The following DRD4 variants were observed in gnomAD, a reference collection of about 807,000 sequenced individuals.
The protein encoded by DRD4 is D(4) dopamine receptor.
Under a neutral mutation model 22.1 loss-of-function variants are expected in DRD4, and 26 were observed. The ratio of observed to expected loss-of-function variants is 1.17; its 90% CI spans 0.86 to 1.63. The LOEUF (loss-of-function observed/expected upper bound fraction) is 1.63, where lower values mean the gene tolerates loss of function less well. Among genes scored for constraint, DRD4 ranks in the 40% most tolerant of loss-of-function variants. DRD4 has a pLI of 0.00. For missense variants in DRD4, 913 were observed against 632.4 expected (o/e 1.44, Z -4.76); for synonymous variants, 455 against 306.7 (o/e 1.48, Z -5.05).
intron 3 of DRD4, 39 bp downstream of exon 3, chr11:640,345 G>GA: frequency 5.1e-6 from 8 of 1,554,250 alleles, no homozygotes; most frequent in Non-Finnish European, 6.9e-6. Context: ...GAGAGGAGGG[G>GA]GGGGGTACGA....
intron 1 of DRD4, 136 bp downstream of exon 1, chr11:637,725 C>T (rs1202759422): frequency 2.7e-6 from 4 of 1,471,372 alleles, no homozygotes; most frequent in Non-Finnish European, 3.7e-6. Context: ...GGGCGCTGCG[C>T]CTTGTCCCTC....
In DRD4 at chr11:640,650, G is replaced by A. The variant is rs774143489; in HGVS notation, c.*47G>A. 16 of 1,592,724 alleles carry A rather than the reference G, an allele frequency of 1.0e-5. No homozygotes were observed. The highest frequency in any genetic ancestry group is 5.0e-5 in the Admixed American group (3 of 59,854). Reference sequence around the variant, plus strand: ...CCCGGCCTGATGGCCAGGCCTCAGGGACCAAGGAGATGGGGAGGGCGCTTT... The same window carrying A: ...CCCGGCCTGATGGCCAGGCCTCAGGAACCAAGGAGATGGGGAGGGCGCTTT... On this transcript the variant is annotated 3_prime_UTR_variant, in exon 4 of 4. Coordinates refer to ENST00000176183, the MANE Select transcript of DRD4 (RefSeq NM_000797.4).
intron 1 of DRD4, 59 bp from the exon 2 acceptor site, chr11:639,374 C>G (rs28540443): frequency 0.8 from 1,046,849 of 1,314,658 alleles, 389,751 homozygotes; most frequent in South Asian, 0.87. Flanking sequence ...AGAGTGGGGG[C>G]GGGTCACAAG....
chr11:639,253 TCAAAA>T (rs910411485), intron 1 of DRD4, 175 bp from the exon 2 acceptor site: 46 of 629,166 alleles, frequency 7.3e-5, no homozygotes, highest in East Asian at 4.7e-4. Flanking sequence ...AGACCCTAAC[TCAAAA>T]CAAAGGGAGA....
Position 639,834 on chromosome 11 carries a change from C to T in DRD4, c.585C>T (p.Tyr195=), listed in dbSNP as rs1460989713. The T allele has an allele frequency of 6.3e-6, 10 of 1,586,088 alleles. No homozygotes were observed. Among genetic ancestry groups the T allele is most frequent in the Non-Finnish European group, 7.7e-6 (9 of 1,173,940 alleles). Reference sequence around the variant, plus strand: ...TGGAGGACCGCGACTACGTGGTCTACTCGTCCGTGTGCTCCTTCTTCCTAC... The same window carrying T: ...TGGAGGACCGCGACTACGTGGTCTATTCGTCCGTGTGCTCCTTCTTCCTAC... The part of the protein sequence containing the change: ...CRLEDRDYVV[Y]SSVCSFFLPC... The change falls in exon 3 of 4, where the codon TAC becomes TAT. Residue 195 remains tyrosine, a synonymous_variant. Coordinates refer to ENST00000176183, the MANE Select transcript of DRD4 (RefSeq NM_000797.4).
intron 1 of DRD4, 144 bp downstream of exon 1, chr11:637,733 C>A: frequency 7.0e-7 from 1 of 1,422,968 alleles, no homozygotes; most frequent in Non-Finnish European, 9.5e-7. Flanking sequence ...CGCCTTGTCC[C>A]TCGGCGATAC....
rs773745329 is a variant in DRD4 at position 639,472 on chromosome 11, G to A, written c.325G>A (p.Asp109Asn). The change falls in exon 2 of 4, where the codon GAC becomes AAC. Residue 109 changes from aspartate to asparagine, a missense_variant. Physicochemically the swap from Asp to Asn is conservative, Grantham distance 23 (BLOSUM62 1). Coordinates refer to ENST00000176183, the MANE Select transcript of DRD4 (RefSeq NM_000797.4). ...GAWLLSPRLC[D>N]ALMAMDVMLC... ...GTGGCTGCTGAGCCCCCGCCTGTGC[G>A]ACGCCCTCATGGCCATGGACGTCAT... The A allele has an allele frequency of 1.2e-6, 2 of 1,602,418 alleles. No homozygotes were observed. Among genetic ancestry groups the A allele is most frequent in the South Asian group, 1.1e-5 (1 of 90,630 alleles).
Position 640,437 on chromosome 11 carries a change from T to C in DRD4, c.1094T>C (p.Val365Ala), listed in dbSNP as rs750837353. The C allele has an allele frequency of 6.2e-7, 1 of 1,601,188 alleles. No homozygotes were observed. The highest frequency in any genetic ancestry group is 1.3e-5 in the African/African-American group (1 of 75,046). The stretch of plus-strand genomic sequence containing the variant: ...CTGTGCTGGACGCCCTTCTTCGTGG[T>C]GCACATCACGCAGGCGCTGTGTCCT... The part of the protein sequence containing the change: ...FLLCWTPFFV[V>A]HITQALCPAC... The change falls in exon 4 of 4, where the codon GTG becomes GCG. Residue 365 changes from valine to alanine, a missense_variant. Physicochemically the swap from Val to Ala is moderately conservative, Grantham distance 64. Coordinates refer to ENST00000176183, the MANE Select transcript of DRD4 (RefSeq NM_000797.4).
Position 639,626 on chromosome 11 carries a change from G to GC in DRD4, c.399-17dup, listed in dbSNP as rs929508399. 63 of 1,408,088 alleles carry GC rather than the reference G, an allele frequency of 4.5e-5. 1 individual carries two copies. In the African/African-American group the frequency reaches 6.8e-4, roughly 15 times the overall value. The allele number at this position is 1,408,088 out of a possible 1,614,324, so 87.2% of individuals were successfully genotyped here. The stretch of plus-strand genomic sequence containing the variant: ...CACCGCGGCCTGTGCGCTGTCCGGC[G>GC]CCCCCTCGGCGCTCCCCGCAGGTTC... On this transcript the variant is annotated intron_variant, in intron 2 of 3. Transcript: ENST00000176183.
chr11:639,143 T>C (rs1298050544), intron 1 of DRD4: 4 of 453,904 alleles, frequency 8.8e-6, no homozygotes, highest in Non-Finnish European at 1.6e-5. Flanking sequence ...TAATCCCAGC[T>C]ACTCTGGAGA....
rs200515603 is a variant in DRD4 at position 639,897 on chromosome 11, C to T, written c.648C>T (p.Phe216=). The T allele has an allele frequency of 1.3e-4, 197 of 1,575,986 alleles. No individual in the cohort carries two copies. The highest frequency in any genetic ancestry group is 1.9e-4 in the Middle Eastern group (1 of 5,390). ...TGCTGCTGCTCTACTGGGCCACGTT[C>T]CGCGGCCTGCAGCGCTGGGAGGTGG... ...PLMLLLYWAT[F]RGLQRWEVAR... is the part of the protein sequence containing the mutation. Residue 216 remains phenylalanine, a synonymous_variant, in exon 3 of 4, where the codon TTC becomes TTT. Coordinates refer to ENST00000176183, the MANE Select transcript of DRD4 (RefSeq NM_000797.4).
Position 639,479 on chromosome 11 carries a change from TCATGGC to T in DRD4, c.338_343del (p.Ala113_Met114del). 1 of 1,603,118 alleles carries T rather than the reference TCATGGC, an allele frequency of 6.2e-7. No homozygotes were observed. The highest frequency in any genetic ancestry group is 1.1e-5 in the South Asian group (1 of 90,738). Reference sequence around the variant, plus strand: ...CTGAGCCCCCGCCTGTGCGACGCCCTCATGGCCATGGACGTCATGCTGTGCACCGCC... The same window carrying T: ...CTGAGCCCCCGCCTGTGCGACGCCCTCATGGACGTCATGCTGTGCACCGCC... On this transcript the variant is annotated inframe_deletion, in exon 2 of 4. Transcript: ENST00000176183.
Position 639,630 on chromosome 11 carries a change from C to T in DRD4, c.399-18C>T. 7.0e-7 allele frequency: 1 copy of T among 1,419,322 alleles called. No homozygotes were observed. The highest frequency in any genetic ancestry group is 9.2e-7 in the Non-Finnish European group (1 of 1,085,604). 87.9% of individuals were successfully genotyped at this position (1,419,322 alleles called of 1,614,324 possible). A position where few individuals can be genotyped will look rare whatever the true frequency, so the allele number is the denominator to read the frequency against. Reference sequence around the variant, plus strand: ...GCGGCCTGTGCGCTGTCCGGCGCCCCCTCGGCGCTCCCCGCAGGTTCGTGG... The same window carrying T: ...GCGGCCTGTGCGCTGTCCGGCGCCCTCTCGGCGCTCCCCGCAGGTTCGTGG... On this transcript the variant is annotated intron_variant, in intron 2 of 3. Transcript: ENST00000176183.
chr11:639,587 C>CCCG lies in DRD4; in HGVS notation c.398+43_398+44insCGC, dbSNP rs1564913182. The stretch of plus-strand genomic sequence containing the variant: ...GCCCGCGCCCCGGCGCCCCCGCGCC[C>CCCG]CGCCCGCCGCCCTCACCGCGGCCTG... On this transcript the variant is annotated intron_variant, in intron 2 of 3. Transcript: ENST00000176183. 1.4e-5 allele frequency: 18 copies of CCCG among 1,289,984 alleles called. No individual in the cohort carries two copies. The African/African-American group carries it at 1.6e-4, about 11-fold the overall frequency. The allele number at this position is 1,289,984 out of a possible 1,614,324, so 79.9% of individuals were successfully genotyped here. A position where few individuals can be genotyped will look rare whatever the true frequency, so the allele number is the denominator to read the frequency against.
At chr11:637,680 T>C (rs1287276248) in intron 1 of DRD4, 91 bp downstream of exon 1, 1 of 1,529,222 alleles carries the variant, frequency 6.5e-7, no homozygotes, top group African/African-American at 1.4e-5. Flanking sequence ...CCCGGCCCCT[T>C]TCTGGTGCGG....
Position 640,652 on chromosome 11 carries a change from C to A in DRD4, c.*49C>A. Reference sequence around the variant, plus strand: ...CGGCCTGATGGCCAGGCCTCAGGGACCAAGGAGATGGGGAGGGCGCTTTTG... The same window carrying A: ...CGGCCTGATGGCCAGGCCTCAGGGAACAAGGAGATGGGGAGGGCGCTTTTG... On this transcript the variant is annotated 3_prime_UTR_variant, in exon 4 of 4. Transcript: ENST00000176183. 1.3e-6 allele frequency: 2 copies of A among 1,590,952 alleles called. No individual in the cohort carries two copies. Among genetic ancestry groups the A allele is most frequent in the Non-Finnish European group, 1.7e-6 (2 of 1,172,972 alleles).
intron 1 of DRD4, among the ~76,000 whole-genome samples, chr11:638,638 G>A (rs1858123847): frequency 6.6e-6 from 1 of 152,110 alleles, no homozygotes; most frequent in Admixed American, 6.6e-5. Flanking sequence ...GAATTAACGT[G>A]CCCGAGTCTC....
At chr11:639,585 C>T in intron 2 of DRD4, 40 bp downstream of exon 2, 10 of 1,314,150 alleles carry the variant, frequency 7.6e-6, no homozygotes, top group Non-Finnish European at 9.7e-6. Context: ...CGCCCCCGCG[C>T]CCCGCCCGCC....
At position 640,409 on chromosome 11, in the gene DRD4, C is replaced by T. The variant is rs748120920; in HGVS notation, c.1066C>T (p.Leu356=). ...RVLPVVVGAF[L]LCWTPFFVVH... is the part of the protein sequence containing the mutation. ...GCTCTCGGCGCCCCCAGGGGCCTTC[C>T]TGCTGTGCTGGACGCCCTTCTTCGT... Residue 356 remains leucine, a synonymous_variant, in exon 4 of 4, where the codon CTG becomes TTG. Coordinates refer to ENST00000176183, the MANE Select transcript of DRD4 (RefSeq NM_000797.4). 6.3e-7 allele frequency: 1 copy of T among 1,599,650 alleles called. No individual in the cohort carries two copies. The highest frequency in any genetic ancestry group is 1.1e-5 in the South Asian group (1 of 91,044).
Sources: gnomAD v4.1 joint callset for allele counts (sites outside exome capture counted in the v4.1 genomes callset) on GRCh38, gnomAD v4.1.1 for gene constraint, MANE v1.5 for transcripts, NCBI Gene and HGNC (gene_info 2026-07-23, HGNC 2026-07-21) for gene names.